Variants in HLCS observed in about 807,000 individuals in gnomAD.
The protein encoded by HLCS is holocarboxylase synthetase, also known as biotin--protein ligase.
A neutral mutation model predicts 75.0 loss-of-function variants in HLCS; 53 were observed. The ratio of observed to expected loss-of-function variants is 0.71; its 90% CI spans 0.57 to 0.89. The LOEUF is 0.89. HLCS is among the 40% of genes least tolerant of loss of function. The pLI is 0.00. For missense variants in HLCS, 966 were observed against 1,074.0 expected (o/e 0.90, Z 1.41); for synonymous variants, 431 against 428.6 (o/e 1.01, Z -0.07).
intron 8 of HLCS, among the ~76,000 whole-genome samples, chr21:36,763,816 T>C (rs1230608734): frequency 6.6e-6 from 1 of 152,180 alleles, no homozygotes; most frequent in African/African-American, 2.4e-5. Context: ...GAGCTAATTG[T>C]TCCCTGTTGC....
intron 6 of HLCS, among the ~76,000 whole-genome samples, chr21:36,814,426 T>C (rs2061601167): frequency 6.6e-6 from 1 of 152,246 alleles, no homozygotes; most frequent in Non-Finnish European, 1.5e-5. Context: ...TTTCTTAGTA[T>C]GTCTCAAATC....
At chr21:36,954,411 G>A (rs1359973147) in intron 2 of HLCS, among the ~76,000 whole-genome samples, 9 of 151,496 alleles carry the variant, frequency 5.9e-5, no homozygotes, top group South Asian at 2.1e-4. Flanking sequence ...TCAGGAGATC[G>A]AGACCATCCT....
intron 5 of HLCS, among the ~76,000 whole-genome samples, chr21:36,911,952 T>A (rs2065733981): frequency 6.6e-6 from 1 of 151,056 alleles, no homozygotes; most frequent in Non-Finnish European, 1.5e-5. Flanking sequence ...GCACCTGTAA[T>A]CTCAGCTACT....
chr21:36,820,366 C>CG (rs1283471364), intron 6 of HLCS, among the ~76,000 whole-genome samples: 1 of 151,430 alleles, frequency 6.6e-6, no homozygotes, highest in East Asian at 1.9e-4. Context: ...GCTGCCCAGC[C>CG]ACGGCCGGGC....
chr21:36,818,381 A>G (rs977120179), intron 6 of HLCS, among the ~76,000 whole-genome samples: 4 of 152,220 alleles, frequency 2.6e-5, no homozygotes, highest in African/African-American at 7.2e-5. Flanking sequence ...AAGGCACACT[A>G]TTAGATTCTG....
intron 6 of HLCS, among the ~76,000 whole-genome samples, chr21:36,781,731 C>G (rs1460552863): frequency 2.0e-5 from 3 of 152,074 alleles, no homozygotes; most frequent in Non-Finnish European, 2.9e-5. Context: ...TTGGCTAATA[C>G]CTTTAGTACA....
intron 2 of HLCS, among the ~76,000 whole-genome samples, chr21:36,944,334 C>G (rs562791026): frequency 6.6e-6 from 1 of 152,082 alleles, no homozygotes; most frequent in East Asian, 1.9e-4. Flanking sequence ...ACTAATTTAC[C>G]ATGTCAAAAA....
chr21:36,879,202 C>T lies in HLCS; in HGVS notation c.1892+17658G>A, dbSNP rs534816913. Among the ~76,000 whole-genome samples, 651 of 152,192 alleles carry T rather than the reference C, an allele frequency of 4.3e-3. 8 individuals are homozygous for T. Among genetic ancestry groups the T allele is most frequent in the African/African-American group, 0.015 (611 of 41,542 alleles). On this transcript the variant is annotated intron_variant, in intron 6 of 10. Coordinates refer to ENST00000674895, the MANE Select transcript of HLCS (RefSeq NM_001352514.2). ...AACAGTTATTAACCCCATTCCTATTCAACTTCTGTCAATGTCTGCTTTGTT... is the reference window on the plus strand; with the variant it reads ...AACAGTTATTAACCCCATTCCTATTTAACTTCTGTCAATGTCTGCTTTGTT...
chr21:36,822,512 G>GT (rs2061877598), intron 6 of HLCS, among the ~76,000 whole-genome samples: 1 of 152,102 alleles, frequency 6.6e-6, no homozygotes, highest in Non-Finnish European at 1.5e-5. Flanking sequence ...GACCTGATGG[G>GT]TTTTTTAAAT....
intron 6 of HLCS, among the ~76,000 whole-genome samples, chr21:36,874,948 C>CCA (rs940111978): frequency 9.8e-5 from 15 of 152,322 alleles, no homozygotes; most frequent in African/African-American, 3.6e-4. Flanking sequence ...CTCCCGGCAC[C>CCA]CACTTCAGTG....
intron 1 of HLCS, among the ~76,000 whole-genome samples, chr21:36,979,235 G>A (rs1416236393): frequency 2.7e-5 from 4 of 149,298 alleles, no homozygotes; most frequent in African/African-American, 9.9e-5. Context: ...TCGCGCCACT[G>A]CCCTCCAGGC....
intron 1 of HLCS, among the ~76,000 whole-genome samples, chr21:36,983,585 C>T (rs1044774242): frequency 6.6e-6 from 1 of 151,806 alleles, no homozygotes; most frequent in Non-Finnish European, 1.5e-5. Context: ...CGCCTGTAAT[C>T]CCAACACTTT....
intron 6 of HLCS, among the ~76,000 whole-genome samples, chr21:36,786,175 A>C (rs1888898569): frequency 6.6e-6 from 1 of 152,214 alleles, no homozygotes; most frequent in South Asian, 2.1e-4. Flanking sequence ...GTTAAAAAGA[A>C]AATGCTTCCC....
intron 6 of HLCS, among the ~76,000 whole-genome samples, chr21:36,869,926 T>C (rs533972729): frequency 1.3e-5 from 2 of 152,212 alleles, no homozygotes; most frequent in Non-Finnish European, 2.9e-5. Flanking sequence ...GATTCCTGCT[T>C]TGGAATCCTT....
intron 6 of HLCS, among the ~76,000 whole-genome samples, chr21:36,815,560 T>G (rs1004735835): frequency 6.6e-6 from 1 of 152,170 alleles, no homozygotes; most frequent in South Asian, 2.1e-4. Flanking sequence ...CGCTTAAGAA[T>G]CCAACACAAA....
At chr21:36,946,426 G>A in intron 2 of HLCS, among the ~76,000 whole-genome samples, 1 of 151,800 alleles carries the variant, frequency 6.6e-6, no homozygotes, top group East Asian at 1.9e-4. Flanking sequence ...ATTTTTTGTA[G>A]AGACGAGAAT....
At chr21:36,915,755 CT>C (rs1444184033) in intron 5 of HLCS, among the ~76,000 whole-genome samples, 1 of 150,644 alleles carries the variant, frequency 6.6e-6, no homozygotes, top group African/African-American at 2.5e-5. Context: ...CTTCTAGAAA[CT>C]GTTTAACATG....
chr21:36,909,183 C>T (rs1014037865), intron 5 of HLCS, among the ~76,000 whole-genome samples: 4 of 151,930 alleles, frequency 2.6e-5, no homozygotes, highest in Non-Finnish European at 4.4e-5. Context: ...GGCAACAGAG[C>T]GAGACTCCAT....
chr21:36,805,557 T>C (rs567685312), intron 6 of HLCS, among the ~76,000 whole-genome samples: 1 of 152,322 alleles, frequency 6.6e-6, no homozygotes, highest in East Asian at 1.9e-4. Flanking sequence ...TCATGACCAC[T>C]GCACCTCGCT....
Sources: gnomAD v4.1 joint callset for allele counts (sites outside exome capture counted in the v4.1 genomes callset) on GRCh38, gnomAD v4.1.1 for gene constraint, MANE v1.5 for transcripts, NCBI Gene and HGNC (gene_info 2026-07-23, HGNC 2026-07-21) for gene names.